The following ATG10 variants were observed in gnomAD, a reference collection of about 807,000 sequenced individuals.
The protein encoded by ATG10 is ubiquitin-like-conjugating enzyme ATG10.
Under a neutral mutation model 32.1 loss-of-function variants are expected in ATG10, and 30 were observed. That is an observed-to-expected ratio of 0.94 (90% CI 0.70 to 1.27). The LOEUF is 1.27. Among genes scored for constraint, ATG10 ranks in the 50% most tolerant of loss-of-function variants. The pLI, the probability that ATG10 is intolerant of heterozygous loss-of-function variation, is 0.00. For missense variants in ATG10, 233 were observed against 262.3 expected (o/e 0.89, Z 0.77); for synonymous variants, 87 against 91.5 (o/e 0.95, Z 0.28).
intron 5 of ATG10, among the ~76,000 whole-genome samples, chr5:82,243,674 T>G (rs1746898501): frequency 6.6e-6 from 1 of 152,098 alleles, no homozygotes; most frequent in Admixed American, 6.6e-5. Context: ...ACTGACAAAC[T>G]GCAATTGACA....
At chr5:82,082,114 C>G (rs540685943) in intron 3 of ATG10, among the ~76,000 whole-genome samples, 3 of 152,118 alleles carry the variant, frequency 2.0e-5, no homozygotes, top group Non-Finnish European at 4.4e-5. Flanking sequence ...TCCCATGACA[C>G]ATGGGAATTG....
chr5:82,188,657 A>C (rs1744544983), intron 5 of ATG10, among the ~76,000 whole-genome samples: 2 of 152,036 alleles, frequency 1.3e-5, no homozygotes, highest in Non-Finnish European at 1.5e-5. Flanking sequence ...GAGCAGGTGG[A>C]GAAGCCTGGG....
At chr5:82,040,697 A>G (rs913426013) in intron 2 of ATG10, among the ~76,000 whole-genome samples, 1 of 152,156 alleles carries the variant, frequency 6.6e-6, no homozygotes, top group Non-Finnish European at 1.5e-5. Flanking sequence ...TAAATTACAG[A>G]TTTTTTTCCA....
chr5:82,050,523 G>A (rs1253673512), intron 2 of ATG10, among the ~76,000 whole-genome samples: 1 of 151,916 alleles, frequency 6.6e-6, no homozygotes, highest in Non-Finnish European at 1.5e-5. Context: ...TTTATAGGTT[G>A]ATTCGAAATT....
chr5:82,022,626 ACT>A (rs1762474602), intron 2 of ATG10, among the ~76,000 whole-genome samples: 1 of 122,126 alleles, frequency 8.2e-6, no homozygotes, highest in Non-Finnish European at 1.7e-5. Context: ...CCCAGCCAGT[ACT>A]CTTTTTTTTT....
intron 2 of ATG10, among the ~76,000 whole-genome samples, chr5:82,041,828 G>A (rs747311404): frequency 2.6e-5 from 4 of 151,262 alleles, no homozygotes; most frequent in Non-Finnish European, 4.4e-5. Context: ...GTTTCATTTC[G>A]GATAGTTTCT....
chr5:82,114,183 T>G lies in ATG10; in HGVS notation c.217-50216T>G, dbSNP rs1382755183. Among the ~76,000 whole-genome samples the G allele has an allele frequency of 1.3e-5, 2 of 152,006 alleles. 1 individual carries two copies. The highest frequency in any genetic ancestry group is 2.9e-5 in the Non-Finnish European group (2 of 67,958). ...GCCTTTGTTGGACTGTGGTTCTTAT[T>G]TATAATGACTTACTTACAAATATCT... On this transcript the variant is annotated intron_variant, in intron 3 of 7. Transcript: ENST00000282185.
At chr5:82,033,131 T>G (rs1413222136) in intron 2 of ATG10, among the ~76,000 whole-genome samples, 1 of 152,208 alleles carries the variant, frequency 6.6e-6, no homozygotes, top group Non-Finnish European at 1.5e-5. Context: ...CTTGTTCAGA[T>G]GCACCATAAT....
intron 3 of ATG10, among the ~76,000 whole-genome samples, chr5:82,090,087 C>G (rs1202827304): frequency 1.3e-5 from 2 of 148,448 alleles, no homozygotes; most frequent in East Asian, 3.9e-4. Flanking sequence ...CAAAACCAAA[C>G]CAAACAAAAA....
chr5:81,972,971 G>A (rs909869624), intron 1 of ATG10, among the ~76,000 whole-genome samples: 1 of 152,128 alleles, frequency 6.6e-6, no homozygotes, highest in African/African-American at 2.4e-5. Context: ...ATGTCTAGGG[G>A]ACTATATTTT....
chr5:82,096,882 A>G (rs1414577344), intron 3 of ATG10, among the ~76,000 whole-genome samples: 2 of 152,138 alleles, frequency 1.3e-5, no homozygotes, highest in African/African-American at 4.8e-5. Context: ...CTGATCAAAT[A>G]ATATCTCCTG....
At chr5:81,972,418 A>G (rs1581550765) in intron 1 of ATG10, 112 bp downstream of exon 1, 1 of 152,660 alleles carries the variant, frequency 6.6e-6, no homozygotes, top group East Asian at 1.9e-4. Flanking sequence ...TAGGCGGGAA[A>G]CAGCCCAGTC....
At chr5:82,178,710 T>G in intron 5 of ATG10, 123 bp downstream of exon 5, 1 of 619,566 alleles carries the variant, frequency 1.6e-6, no homozygotes, top group Non-Finnish European at 2.8e-6. Flanking sequence ...TTTACATATT[T>G]CACCTCAAAG....
chr5:82,016,855 AT>A (rs1392161293), intron 2 of ATG10, among the ~76,000 whole-genome samples: 1 of 151,670 alleles, frequency 6.6e-6, no homozygotes, highest in Admixed American at 6.6e-5. Flanking sequence ...CGCCTGGCTA[AT>A]TTTTTGTATT....
chr5:82,082,347 A>T (rs1189453226), intron 3 of ATG10, among the ~76,000 whole-genome samples: 1 of 152,192 alleles, frequency 6.6e-6, no homozygotes, highest in Non-Finnish European at 1.5e-5. Flanking sequence ...TTGTTGAAAT[A>T]TGAGAAGAGT....
At chr5:82,054,052 C>T (rs1421788158) in intron 2 of ATG10, among the ~76,000 whole-genome samples, 1 of 152,106 alleles carries the variant, frequency 6.6e-6, no homozygotes, top group East Asian at 1.9e-4. Flanking sequence ...TGCAGATTAC[C>T]TGATTGACTC....
rs1262865269 is a variant in ATG10, at chr5:82,164,476, T to G, written c.294T>G (p.Tyr98Ter). The G allele has an allele frequency of 6.2e-7, 1 of 1,612,904 alleles. No individual in the cohort carries two copies. Among genetic ancestry groups the G allele is most frequent in the Non-Finnish European group, 8.5e-7 (1 of 1,178,916 alleles). Reference sequence around the variant, plus strand: ...CGTCCGAAGTGATTAAATATGAGTATCATGTCTTATATTCCTGTAGCTACC... The same window carrying G: ...CGTCCGAAGTGATTAAATATGAGTAGCATGTCTTATATTCCTGTAGCTACC... ...AAASEVIKYE[Y>*]HVLYSCSYQV... The change falls in exon 4 of 8, where the codon TAT becomes TAG. Residue 98 changes from tyrosine (Y) to a stop codon, truncating the protein, a stop_gained. Transcript: ENST00000282185. LOFTEE classifies it high-confidence loss of function.
At chr5:82,253,778 T>C (rs762828632) in intron 7 of ATG10, among the ~76,000 whole-genome samples, 4 of 152,154 alleles carry the variant, frequency 2.6e-5, no homozygotes, top group Admixed American at 6.5e-5. Context: ...GGGACCTAGG[T>C]TGCGCGCTCC....
intron 2 of ATG10, among the ~76,000 whole-genome samples, chr5:82,047,614 T>G (rs1277016786): frequency 6.6e-6 from 1 of 152,182 alleles, no homozygotes. Flanking sequence ...TAACCTTTTC[T>G]AGCCTGACAA....
Sources: gnomAD v4.1 joint callset for allele counts (sites outside exome capture counted in the v4.1 genomes callset) on GRCh38, gnomAD v4.1.1 for gene constraint, MANE v1.5 for transcripts, NCBI Gene and HGNC (gene_info 2026-07-23, HGNC 2026-07-21) for gene names.